Variants in SPEF2 observed in about 807,000 individuals in gnomAD.
The protein encoded by SPEF2 is sperm flagellar and cilia associated 2.
A neutral mutation model predicts 224.6 loss-of-function variants in SPEF2; 187 were observed. The ratio of observed to expected loss-of-function variants is 0.83; its 90% CI spans 0.74 to 0.94. The LOEUF is 0.94. SPEF2 is among the 40% of genes least tolerant of loss of function. The pLI, the probability that SPEF2 is intolerant of heterozygous loss-of-function variation, is 0.00. For synonymous variants in SPEF2, 715 were observed against 707.3 expected (o/e 1.01, Z -0.17); for missense variants, 2,170 against 2,135.6 (o/e 1.02, Z -0.32).
intron 13 of SPEF2, 100 bp downstream of exon 13, chr5:35,694,463 G>A: frequency 1.9e-6 from 2 of 1,061,332 alleles, no homozygotes; most frequent in Non-Finnish European, 2.8e-6. Context: ...AAATAAACGG[G>A]AACCAAGGGG....
chr5:35,664,224 G>A (rs1301840487), intron 8 of SPEF2, among the ~76,000 whole-genome samples: 3 of 149,970 alleles, frequency 2.0e-5, no homozygotes, highest in African/African-American at 7.4e-5. Context: ...CTATCCCACT[G>A]GCATGTAAAG....
chr5:35,703,895 G>C (rs1739207132), intron 16 of SPEF2, among the ~76,000 whole-genome samples: 1 of 152,178 alleles, frequency 6.6e-6, no homozygotes. Flanking sequence ...GCTATTCAAT[G>C]TTCTCTTGCA....
intron 36 of SPEF2, among the ~76,000 whole-genome samples, chr5:35,808,890 A>G (rs1057386644): frequency 8.7e-5 from 13 of 149,888 alleles, no homozygotes; most frequent in African/African-American, 2.9e-4. Flanking sequence ...ACATATATAT[A>G]TATATATATA....
intron 10 of SPEF2, among the ~76,000 whole-genome samples, chr5:35,672,834 GT>G (rs1751372401): frequency 1.3e-5 from 2 of 152,180 alleles, no homozygotes; most frequent in South Asian, 2.1e-4. Flanking sequence ...CCAGTTTTGA[GT>G]TTGTGCTTTT....
intron 1 of SPEF2, among the ~76,000 whole-genome samples, chr5:35,621,402 T>G (rs1258392517): frequency 6.6e-6 from 1 of 152,198 alleles, no homozygotes; most frequent in Non-Finnish European, 1.5e-5. Flanking sequence ...GAGGGCTTAG[T>G]AATTTGTTCA....
At chr5:35,802,121 G>T (rs1380855009) in intron 34 of SPEF2, among the ~76,000 whole-genome samples, 1 of 152,170 alleles carries the variant, frequency 6.6e-6, no homozygotes, top group African/African-American at 2.4e-5. Flanking sequence ...GGCCTTGCCA[G>T]CCAGAAGAGG....
intron 19 of SPEF2, chr5:35,710,415 G>A: frequency 2.0e-6 from 1 of 507,756 alleles, no homozygotes; most frequent in Non-Finnish European, 2.5e-6. Flanking sequence ...AAATTAGCTG[G>A]GCGTGGTGGC....
intron 23 of SPEF2, among the ~76,000 whole-genome samples, chr5:35,752,572 T>A (rs1212152295): frequency 1.3e-5 from 2 of 152,256 alleles, no homozygotes; most frequent in Non-Finnish European, 2.9e-5. Flanking sequence ...GTTGGGATTA[T>A]AAGCATGAGC....
chr5:35,694,300 G>T lies in SPEF2; in HGVS notation c.1912G>T (p.Val638Leu), dbSNP rs1754969429. ...TTTCTCTCCAAAGGATCCACAACAT[G>T]TATTTTCAGCTGGTCCAGTTTCAGA... ...EIKESQDPQHVFSAGPVSDEV... is the reference protein window; with the variant it reads ...EIKESQDPQHLFSAGPVSDEV... The change falls in exon 13 of 37, where the codon GTA (valine) becomes TTA (leucine). Residue 638 changes from valine (V) to leucine (L), a missense_variant. Transcript: ENST00000356031. 2 of 1,613,410 alleles carry T rather than the reference G, an allele frequency of 1.2e-6. No individual in the cohort carries two copies. Among genetic ancestry groups the T allele is most frequent in the African/African-American group, 2.7e-5 (2 of 74,914 alleles).
At chr5:35,653,713 G>A (rs1408440117) in intron 6 of SPEF2, among the ~76,000 whole-genome samples, 2 of 151,922 alleles carry the variant, frequency 1.3e-5, no homozygotes, top group African/African-American at 2.4e-5. Flanking sequence ...TTGGGAGGCC[G>A]AGGCAGGCAG....
At chr5:35,648,601 CA>C (rs1747742098) in intron 5 of SPEF2, among the ~76,000 whole-genome samples, 2 of 152,084 alleles carry the variant, frequency 1.3e-5, no homozygotes, top group Admixed American at 1.3e-4. Flanking sequence ...GCTGGGATTA[CA>C]GGTGTGAGCC....
intron 13 of SPEF2, among the ~76,000 whole-genome samples, chr5:35,694,907 T>G (rs923573126): frequency 1.3e-5 from 2 of 152,198 alleles, no homozygotes; most frequent in Admixed American, 1.3e-4. Flanking sequence ...CTTCAGATCC[T>G]TTGTAGAACC....
intron 26 of SPEF2, among the ~76,000 whole-genome samples, chr5:35,766,852 C>A (rs904856342): frequency 3.3e-5 from 5 of 151,770 alleles, no homozygotes; most frequent in Non-Finnish European, 7.4e-5. Flanking sequence ...GAATTCAAAG[C>A]ATTTTAGAAA....
chr5:35,734,786 A>T (rs1746286372), intron 21 of SPEF2, among the ~76,000 whole-genome samples: 1 of 138,316 alleles, frequency 7.2e-6, no homozygotes, highest in African/African-American at 2.8e-5. Context: ...ATCTCAGCTC[A>T]CTGCAACCTC....
chr5:35,619,110 A>G (rs1455216934), intron 1 of SPEF2, among the ~76,000 whole-genome samples: 1 of 152,222 alleles, frequency 6.6e-6, no homozygotes, highest in Admixed American at 6.5e-5. Flanking sequence ...TTCTTGAGGC[A>G]TAAACCTCAG....
intron 32 of SPEF2, 24 bp from the exon 33 acceptor site, chr5:35,795,678 AT>A: frequency 6.3e-7 from 1 of 1,599,126 alleles, no homozygotes; most frequent in Non-Finnish European, 8.5e-7. Flanking sequence ...TACTTTAACA[AT>A]TTTCATTTTT....
intron 8 of SPEF2, among the ~76,000 whole-genome samples, chr5:35,660,846 G>A (rs1749593666): frequency 6.6e-6 from 1 of 152,162 alleles, no homozygotes; most frequent in Non-Finnish European, 1.5e-5. Context: ...TTGAACTGGG[G>A]TTGAACTAAC....
At chr5:35,704,458 A>T in intron 16 of SPEF2, 96 bp from the exon 17 acceptor site, 1 of 696,794 alleles carries the variant, frequency 1.4e-6, no homozygotes, top group African/African-American at 1.8e-5. Context: ...CAAATACAGG[A>T]CCGTATCTGT....
chr5:35,793,100 G>A, intron 31 of SPEF2, 59 bp from the exon 32 acceptor site: 1 of 1,468,958 alleles, frequency 6.8e-7, no homozygotes, highest in Non-Finnish European at 9.3e-7. Flanking sequence ...ATATGAGCAA[G>A]TAGAGCATCA....
Sources: allele counts gnomAD v4.1 joint callset (sites outside exome capture counted in the v4.1 genomes callset), GRCh38; gene constraint gnomAD v4.1.1; transcripts MANE v1.5; gene names NCBI Gene and HGNC (gene_info 2026-07-23, HGNC 2026-07-21).